MEP1A: variants seen among roughly 807,000 people sequenced by gnomAD.
MEP1A encodes the protein N-benzoyl-L-tyrosyl-P-amino-benzoic acid hydrolase subunit alpha.
Under a neutral mutation model 84.5 loss-of-function variants are expected in MEP1A, and 68 were observed. The observed-to-expected ratio is 0.80, with a 90% confidence interval of 0.66 to 0.98. The LOEUF (loss-of-function observed/expected upper bound fraction) is 0.98, where lower values mean the gene tolerates loss of function less well. Among genes scored for constraint, MEP1A ranks in the 50% least tolerant of loss-of-function variants. The probability of loss-of-function intolerance (pLI) is 0.00; values close to 1 mark genes in which losing one functional copy is unlikely to be tolerated. For missense variants in MEP1A, 887 were observed against 919.9 expected (o/e 0.96, Z 0.46); for synonymous variants, 337 against 336.8 (o/e 1.00, Z -0.01).
chr6:46,794,731 C>G (rs1767013325), intron 3 of MEP1A, among the ~76,000 whole-genome samples: 1 of 152,212 alleles, frequency 6.6e-6, no homozygotes, highest in African/African-American at 2.4e-5. Context: ...GGTCCCAAGA[C>G]TTCAGAGCCA....
intron 6 of MEP1A, among the ~76,000 whole-genome samples, chr6:46,816,817 C>T (rs756839523): frequency 6.6e-6 from 1 of 152,126 alleles, no homozygotes; most frequent in Non-Finnish European, 1.5e-5. Context: ...TAGGCTTTTC[C>T]CCACTTCCTT....
intron 3 of MEP1A, among the ~76,000 whole-genome samples, chr6:46,797,760 GTCTT>G (rs1271813423): frequency 2.0e-5 from 3 of 151,212 alleles, no homozygotes; most frequent in Non-Finnish European, 4.4e-5. Context: ...TCTCTCAATA[GTCTT>G]TCTTTCTTTT....
At chr6:46,815,517 A>G (rs1175004485) in intron 6 of MEP1A, among the ~76,000 whole-genome samples, 1 of 152,176 alleles carries the variant, frequency 6.6e-6, no homozygotes, top group Non-Finnish European at 1.5e-5. Flanking sequence ...CCGGACCACG[A>G]GCCTCCTTGT....
At chr6:46,826,954 A>G (rs1767962191) in intron 9 of MEP1A, among the ~76,000 whole-genome samples, 1 of 152,258 alleles carries the variant, frequency 6.6e-6, no homozygotes. Flanking sequence ...CAATATATCC[A>G]AATAGTAGCA....
At chr6:46,843,640 A>C (rs1423091925), downstream of MEP1A, among the ~76,000 whole-genome samples, 1 of 152,166 alleles carries the variant, frequency 6.6e-6, no homozygotes, top group Non-Finnish European at 1.5e-5. Context: ...TTTGCATACT[A>C]TTTAACCTCC....
At chr6:46,802,473 T>C (rs1332582901) in intron 5 of MEP1A, among the ~76,000 whole-genome samples, 2 of 151,966 alleles carry the variant, frequency 1.3e-5, no homozygotes, top group East Asian at 3.8e-4. Flanking sequence ...TGTTGATTTG[T>C]AGATTTTTTT....
intron 5 of MEP1A, among the ~76,000 whole-genome samples, chr6:46,807,467 A>G (rs1767352556): frequency 6.7e-6 from 1 of 149,396 alleles, no homozygotes; most frequent in African/African-American, 2.5e-5. Flanking sequence ...TGAGCCTAGG[A>G]GTTCAAGTCG....
intron 5 of MEP1A, among the ~76,000 whole-genome samples, chr6:46,807,569 G>GAAAGA (rs1562106673): frequency 8.5e-3 from 150 of 17,626 alleles, no homozygotes; most frequent in East Asian, 0.022. Context: ...AGAAAGAAAG[G>GAAAGA]AAGGAAGGAA....
chr6:46,844,344 T>A (rs115519316), downstream of MEP1A, among the ~76,000 whole-genome samples: 395 of 152,192 alleles, frequency 2.6e-3, no homozygotes, highest in African/African-American at 8.8e-3. Flanking sequence ...GATGTGTGTG[T>A]GTGTGTATGT....
At chr6:46,812,659 T>A (rs974992236) in intron 6 of MEP1A, among the ~76,000 whole-genome samples, 9 of 152,124 alleles carry the variant, frequency 5.9e-5, no homozygotes, top group African/African-American at 2.2e-4. Flanking sequence ...TTTTGATAGG[T>A]TGTGTCACTA....
chr6:46,815,820 GA>G (rs982983902), intron 6 of MEP1A, among the ~76,000 whole-genome samples: 1 of 151,502 alleles, frequency 6.6e-6, no homozygotes, highest in African/African-American at 2.4e-5. Flanking sequence ...AGCCTCTTAG[GA>G]AAAAAAATGC....
At chr6:46,838,610 A>G (rs1221945648) in intron 13 of MEP1A, among the ~76,000 whole-genome samples, 1 of 152,164 alleles carries the variant, frequency 6.6e-6, no homozygotes, top group East Asian at 1.9e-4. Flanking sequence ...GTGTCAGGCA[A>G]TGTATTCCTT....
chr6:46,794,506 G>C (rs1357934271), intron 3 of MEP1A, among the ~76,000 whole-genome samples: 5 of 152,170 alleles, frequency 3.3e-5, no homozygotes, highest in Non-Finnish European at 5.9e-5. Context: ...AGCAGTGATG[G>C]GGCTTACTTC....
At chr6:46,806,718 C>A (rs749018715) in intron 5 of MEP1A, among the ~76,000 whole-genome samples, 1 of 152,014 alleles carries the variant, frequency 6.6e-6, no homozygotes, top group Non-Finnish European at 1.5e-5. Flanking sequence ...CTTCATCTAC[C>A]ATGACTTTCC....
chr6:46,794,603 G>C (rs773144996), intron 3 of MEP1A, among the ~76,000 whole-genome samples: 2 of 152,112 alleles, frequency 1.3e-5, no homozygotes, highest in Admixed American at 6.5e-5. Context: ...CAATTTTTCT[G>C]GCTTTGTCTC....
chr6:46,798,576 T>C (rs745779459), intron 3 of MEP1A, 30 bp from the exon 4 acceptor site: 3 of 1,591,200 alleles, frequency 1.9e-6, no homozygotes, highest in Non-Finnish European at 2.6e-6. Flanking sequence ...CACTCAAATA[T>C]TCTTTTTTTA....
intron 5 of MEP1A, among the ~76,000 whole-genome samples, chr6:46,800,905 A>G (rs1480494230): frequency 1.3e-5 from 2 of 152,176 alleles, no homozygotes; most frequent in Non-Finnish European, 2.9e-5. Context: ...CTCATATACC[A>G]TAGTATTTGT....
At chr6:46,807,597 G>GA in intron 5 of MEP1A, among the ~76,000 whole-genome samples, 1 of 100,338 alleles carries the variant, frequency 1.0e-5, no homozygotes, top group African/African-American at 4.9e-5. Context: ...AGGAAGGAAG[G>GA]AAGGAAGGAA....
intron 3 of MEP1A, among the ~76,000 whole-genome samples, chr6:46,793,968 AT>A (rs762640698): frequency 3.7e-4 from 57 of 152,340 alleles, no homozygotes; most frequent in South Asian, 8.3e-4. Flanking sequence ...CTTTATAAAA[AT>A]TTTATTTTTC....
Sources: allele counts gnomAD v4.1 joint callset (sites outside exome capture counted in the v4.1 genomes callset), GRCh38; gene constraint gnomAD v4.1.1; transcripts MANE v1.5; gene names NCBI Gene and HGNC (gene_info 2026-07-23, HGNC 2026-07-21).